The following CSRNP3 variants were observed in gnomAD, a reference collection of about 807,000 sequenced individuals.
CSRNP3 encodes the protein cysteine and serine rich nuclear protein 3.
A neutral mutation model predicts 48.0 loss-of-function variants in CSRNP3; 12 were observed. That is an observed-to-expected ratio of 0.25 (90% CI 0.16 to 0.41). The LOEUF (loss-of-function observed/expected upper bound fraction) is 0.41. Among genes scored for constraint, CSRNP3 ranks in the 10% least tolerant of loss-of-function variants. The pLI is 1.00. For synonymous variants in CSRNP3, 263 were observed against 269.7 expected (o/e 0.98, Z 0.24); for missense variants, 580 against 724.4 (o/e 0.80, Z 2.29).
At chr2:165,617,622 C>T (rs1017105881) in intron 4 of CSRNP3, among the ~76,000 whole-genome samples, 2 of 152,124 alleles carry the variant, frequency 1.3e-5, no homozygotes, top group Non-Finnish European at 2.9e-5. Flanking sequence ...CATGCAGGCA[C>T]TAGCAGTGGT....
In CSRNP3 at chr2:165,687,683, T is replaced by A. The variant is rs545781917; in HGVS notation, c.*7930T>A. ...GTCCTTGTGTTATTTAAACAATGGC[T>A]TCCTGCTTTCTCAGGGGTCAGGAAA... On this transcript the variant is annotated 3_prime_UTR_variant, in exon 7 of 7. Coordinates refer to ENST00000651982, the MANE Select transcript of CSRNP3 (RefSeq NM_001172173.2). 6.6e-6 allele frequency: 1 copy of A among 152,192 alleles called. No individual in the cohort carries two copies. Among genetic ancestry groups the A allele is most frequent in the South Asian group, 2.1e-4 (1 of 4,812 alleles). The allele number at this position is 152,192 out of a possible 1,614,324, so 9.4% of individuals were successfully genotyped here. A position where few individuals can be genotyped will look rare whatever the true frequency, so the allele number is the denominator to read the frequency against.
chr2:165,609,159 G>T (rs1686088041), intron 4 of CSRNP3, among the ~76,000 whole-genome samples: 4 of 136,894 alleles, frequency 2.9e-5, no homozygotes, highest in Admixed American at 1.5e-4. Context: ...TCTCATAAAA[G>T]ATGTTCTACT....
intron 3 of CSRNP3, among the ~76,000 whole-genome samples, chr2:165,551,316 GA>G (rs1292951471): frequency 6.6e-6 from 1 of 152,148 alleles, no homozygotes; most frequent in African/African-American, 2.4e-5. Context: ...AGGAGAAAAT[GA>G]AGTTTCCTTC....
chr2:165,542,306 A>G (rs1684968233), intron 3 of CSRNP3, among the ~76,000 whole-genome samples: 1 of 152,182 alleles, frequency 6.6e-6, no homozygotes, highest in Non-Finnish European at 1.5e-5. Context: ...AAATGCCCAT[A>G]CACAATTTTT....
At chr2:165,660,068 A>C (rs1193081294) in intron 5 of CSRNP3, among the ~76,000 whole-genome samples, 1 of 152,130 alleles carries the variant, frequency 6.6e-6, no homozygotes, top group Non-Finnish European at 1.5e-5. Flanking sequence ...CTTGCTCTGC[A>C]TGTAGCTTAA....
chr2:165,566,130 A>G (rs890229357), intron 3 of CSRNP3, among the ~76,000 whole-genome samples: 2 of 151,944 alleles, frequency 1.3e-5, no homozygotes, highest in African/African-American at 4.8e-5. Flanking sequence ...AAACCAGTCA[A>G]ATACCTTGTA....
intron 1 of CSRNP3, among the ~76,000 whole-genome samples, chr2:165,474,375 G>C (rs943585877): frequency 6.6e-6 from 1 of 152,030 alleles, no homozygotes; most frequent in African/African-American, 2.4e-5. Flanking sequence ...AAGTGGCTGG[G>C]GGATTGCAGG....
intron 1 of CSRNP3, among the ~76,000 whole-genome samples, chr2:165,476,378 G>C (rs76588019): frequency 0.023 from 3,469 of 152,282 alleles, 114 homozygotes; most frequent in African/African-American, 0.074. Context: ...ACTGGTAGAA[G>C]TCCTTTGATA....
intron 1 of CSRNP3, among the ~76,000 whole-genome samples, chr2:165,479,261 G>A (rs1477159972): frequency 2.6e-5 from 4 of 152,096 alleles, no homozygotes; most frequent in Non-Finnish European, 5.9e-5. Flanking sequence ...AAGAAAGTAT[G>A]TGGGAGAAAA....
intron 4 of CSRNP3, among the ~76,000 whole-genome samples, chr2:165,642,659 T>G (rs1686743524): frequency 6.6e-6 from 1 of 151,654 alleles, no homozygotes; most frequent in South Asian, 2.1e-4. Context: ...GCCTCCCAGG[T>G]TCAAGAGATT....
In CSRNP3 at chr2:165,684,768, A is replaced by G. The variant is rs1175903269; in HGVS notation, c.*5015A>G. On this transcript the variant is annotated 3_prime_UTR_variant, in exon 7 of 7. Coordinates refer to ENST00000651982, the MANE Select transcript of CSRNP3 (RefSeq NM_001172173.2). ...TATCAGCAATTTTAATACCCACTAG[A>G]ATTATGGAAGTATCAGAGTGGAAGT... is the stretch of plus-strand genomic sequence containing the variant. 1 of 152,064 alleles carries G rather than the reference A, an allele frequency of 6.6e-6. No individual in the cohort carries two copies. The highest frequency in any genetic ancestry group is 1.9e-4 in the East Asian group (1 of 5,192). The allele number at this position is 152,064 out of a possible 1,614,324, so 9.4% of individuals were successfully genotyped here.
chr2:165,544,178 A>T (rs1046120518), intron 3 of CSRNP3, among the ~76,000 whole-genome samples: 1 of 152,090 alleles, frequency 6.6e-6, no homozygotes, highest in East Asian at 1.9e-4. Flanking sequence ...AGGCTTTACT[A>T]AGAGAGGAAA....
intron 3 of CSRNP3, among the ~76,000 whole-genome samples, chr2:165,589,537 G>T (rs1288619650): frequency 1.3e-5 from 2 of 152,180 alleles, no homozygotes; most frequent in Non-Finnish European, 2.9e-5. Flanking sequence ...ATGTTTAATT[G>T]TTAGCTTAAA....
chr2:165,562,258 C>T (rs1299900629), intron 3 of CSRNP3, among the ~76,000 whole-genome samples: 2 of 152,116 alleles, frequency 1.3e-5, no homozygotes, highest in Non-Finnish European at 2.9e-5. Flanking sequence ...AAGCACATCT[C>T]TTCTGCATTT....
At chr2:165,489,853 C>G (rs1341848767) in intron 1 of CSRNP3, among the ~76,000 whole-genome samples, 13 of 127,672 alleles carry the variant, frequency 1.0e-4, no homozygotes, top group Admixed American at 5.0e-4. Flanking sequence ...ACTGAATGGG[C>G]AAAAACTGGA....
chr2:165,666,956 A>AAGAAAGAAAGAAAGAG (rs1373443672), intron 5 of CSRNP3, among the ~76,000 whole-genome samples: 1,104 of 31,782 alleles, frequency 0.035, 41 homozygotes, highest in Non-Finnish European at 0.056. Context: ...GAGAGAGAGG[A>AAGAAAGAAAGAAAGAG]AGGAAGGAAG....
intron 3 of CSRNP3, among the ~76,000 whole-genome samples, chr2:165,520,794 T>TATATATATATATATATATATATATAC (rs1684646669): frequency 1.7e-4 from 4 of 23,182 alleles, no homozygotes; most frequent in African/African-American, 3.0e-4. Flanking sequence ...TATATATATA[T>TATATATATATATATATATATATATAC]ATATATATAT....
intron 1 of CSRNP3, among the ~76,000 whole-genome samples, chr2:165,477,483 A>AATATATATATAT (rs200408228): frequency 4.6e-5 from 6 of 129,676 alleles, no homozygotes; most frequent in South Asian, 4.7e-4. Flanking sequence ...ATATATATGA[A>AATATATATATAT]ATATATATAT....
intron 3 of CSRNP3, 37 bp from the exon 4 acceptor site, chr2:165,595,006 A>G (rs1401429514): frequency 2.5e-6 from 4 of 1,586,218 alleles, no homozygotes; most frequent in Non-Finnish European, 2.6e-6. Context: ...CAGCGGTCAA[A>G]TATTTCAATG....
Sources: allele counts gnomAD v4.1 joint callset (sites outside exome capture counted in the v4.1 genomes callset), GRCh38; gene constraint gnomAD v4.1.1; transcripts MANE v1.5; gene names NCBI Gene and HGNC (gene_info 2026-07-23, HGNC 2026-07-21).